Variants in ZDHHC17 observed in about 807,000 individuals in gnomAD.
The protein encoded by ZDHHC17 is palmitoyltransferase ZDHHC17.
In ZDHHC17, 40 loss-of-function variants were observed where a neutral mutation model predicts 90.3. That is an observed-to-expected ratio of 0.44 (90% CI 0.34 to 0.58). ZDHHC17 has a LOEUF of 0.58. ZDHHC17 is among the 20% of genes least tolerant of loss of function. ZDHHC17 has a pLI of 0.01. For missense variants in ZDHHC17, 614 were observed against 780.8 expected (o/e 0.79, Z 2.55); for synonymous variants, 235 against 252.4 (o/e 0.93, Z 0.65).
At chr12:76,821,969 T>C (rs1953167583) in intron 7 of ZDHHC17, among the ~76,000 whole-genome samples, 1 of 152,220 alleles carries the variant, frequency 6.6e-6, no homozygotes, top group Non-Finnish European at 1.5e-5. Flanking sequence ...TTTTCTTTCC[T>C]ATTCTCTTCT....
intron 1 of ZDHHC17, among the ~76,000 whole-genome samples, chr12:76,768,637 C>T (rs542598139): frequency 4.9e-4 from 74 of 152,236 alleles, no homozygotes; most frequent in African/African-American, 1.5e-3. Context: ...GAAAGGCTTC[C>T]GTAGAGGGAC....
At chr12:76,790,330 C>T (rs1438212612) in intron 1 of ZDHHC17, among the ~76,000 whole-genome samples, 1 of 151,884 alleles carries the variant, frequency 6.6e-6, no homozygotes, top group African/African-American at 2.4e-5. Context: ...GGTGAAACCC[C>T]GTCTCTACTA....
intron 7 of ZDHHC17, 89 bp downstream of exon 7, chr12:76,816,108 G>A: frequency 1.1e-5 from 12 of 1,133,434 alleles, no homozygotes; most frequent in Non-Finnish European, 1.4e-5. Flanking sequence ...GACTGTCAGA[G>A]TTGAAAGAAA....
chr12:76,770,061 G>A (rs1372102121), intron 1 of ZDHHC17, among the ~76,000 whole-genome samples: 1 of 152,102 alleles, frequency 6.6e-6, no homozygotes, highest in African/African-American at 2.4e-5. Context: ...TCCTGGGCAC[G>A]TTATTGAACT....
At position 76,842,021 on chromosome 12, in the gene ZDHHC17, A is replaced by G. The variant is rs368123172; in HGVS notation, c.1181A>G (p.Asn394Ser). ...TTTATCCATCTTCCATTCCTTGCCA[A>G]TAGTGTTGCACTTTTCTACAATTTT... ...FLFIHLPFLANSVALFYNFGK... is the reference protein window; with the variant it reads ...FLFIHLPFLASSVALFYNFGK... Residue 394 changes from asparagine to serine, a missense_variant, in exon 11 of 17, where the codon AAT (asparagine) becomes AGT (serine). By Grantham distance (46) the Asn-to-Ser change is conservative. This residue lies in a region of ZDHHC17 where 117 missense variants were observed against 183.6 expected (regional missense o/e 0.64). Coordinates refer to ENST00000426126, the MANE Select transcript of ZDHHC17 (RefSeq NM_015336.4). 3.0e-4 allele frequency: 486 copies of G among 1,595,794 alleles called. No homozygotes were observed. The highest frequency in any genetic ancestry group is 4.0e-4 in the Non-Finnish European group (472 of 1,171,548).
chr12:76,818,822 A>G (rs1360790814), intron 7 of ZDHHC17, among the ~76,000 whole-genome samples: 15 of 152,248 alleles, frequency 9.9e-5, no homozygotes, highest in Admixed American at 9.8e-4. Flanking sequence ...GTCATGGGAA[A>G]CATTTGAAAG....
At chr12:76,799,469 C>G (rs930586786) in intron 2 of ZDHHC17, among the ~76,000 whole-genome samples, 1 of 152,176 alleles carries the variant, frequency 6.6e-6, no homozygotes, top group Non-Finnish European at 1.5e-5. Context: ...TTTATTACAA[C>G]TTGCTGAGGA....
chr12:76,800,786 C>T (rs564375623), intron 2 of ZDHHC17, among the ~76,000 whole-genome samples: 1 of 152,096 alleles, frequency 6.6e-6, no homozygotes, highest in East Asian at 1.9e-4. Context: ...CTTTTTTACC[C>T]CAGTCTGTTC....
intron 1 of ZDHHC17, among the ~76,000 whole-genome samples, chr12:76,784,927 T>G (rs1952668229): frequency 6.6e-6 from 1 of 152,236 alleles, no homozygotes; most frequent in Non-Finnish European, 1.5e-5. Flanking sequence ...TCGTTGACTT[T>G]CTGGAATGCC....
At chr12:76,772,154 G>C (rs1182258850) in intron 1 of ZDHHC17, among the ~76,000 whole-genome samples, 1 of 152,212 alleles carries the variant, frequency 6.6e-6, no homozygotes, top group African/African-American at 2.4e-5. Context: ...GAGGTATAGA[G>C]AGGTTAAGTA....
intron 7 of ZDHHC17, among the ~76,000 whole-genome samples, chr12:76,819,959 C>G (rs943151685): frequency 6.8e-6 from 1 of 147,556 alleles, no homozygotes; most frequent in African/African-American, 2.5e-5. Flanking sequence ...TGCCATTGCA[C>G]TCAAGCCTGG....
chr12:76,820,266 T>C (rs979306208), intron 7 of ZDHHC17, among the ~76,000 whole-genome samples: 2 of 152,104 alleles, frequency 1.3e-5, no homozygotes, highest in Non-Finnish European at 2.9e-5. Context: ...CCCTAGATAA[T>C]AGCTACATGA....
intron 1 of ZDHHC17, among the ~76,000 whole-genome samples, chr12:76,773,991 G>A (rs979479986): frequency 2.6e-5 from 4 of 152,140 alleles, no homozygotes; most frequent in African/African-American, 7.2e-5. Context: ...GCTTGTGCCT[G>A]TAAATCCCAG....
At chr12:76,767,909 TAA>T (rs577647746) in intron 1 of ZDHHC17, among the ~76,000 whole-genome samples, 4 of 143,868 alleles carry the variant, frequency 2.8e-5, no homozygotes, top group East Asian at 2.0e-4. Context: ...AAAACTCTCT[TAA>T]AAAAAAAAAA....
chr12:76,775,008 T>C (rs1952542801), intron 1 of ZDHHC17, among the ~76,000 whole-genome samples: 1 of 152,186 alleles, frequency 6.6e-6, no homozygotes, highest in African/African-American at 2.4e-5. Context: ...TTTATATTTT[T>C]AGTAGAGGTG....
intron 7 of ZDHHC17, among the ~76,000 whole-genome samples, chr12:76,819,357 A>G (rs942921863): frequency 2.6e-5 from 4 of 152,238 alleles, no homozygotes; most frequent in African/African-American, 7.2e-5. Context: ...ATCTAACCAA[A>G]TTTATTTATA....
intron 7 of ZDHHC17, chr12:76,821,239 C>A: frequency 1.2e-6 from 1 of 816,212 alleles, no homozygotes; most frequent in Non-Finnish European, 1.6e-6. Context: ...ATAGGTAAGG[C>A]AATATTTTAA....
At chr12:76,826,232 C>T (rs1041478276) in intron 8 of ZDHHC17, among the ~76,000 whole-genome samples, 1 of 152,068 alleles carries the variant, frequency 6.6e-6, no homozygotes, top group Non-Finnish European at 1.5e-5. Context: ...TCTTTGGTTG[C>T]TATAAAGATA....
In ZDHHC17 at chr12:76,809,039, A is replaced by C; in HGVS notation, c.321-4A>C. 1 of 1,504,102 alleles carries C rather than the reference A, an allele frequency of 6.6e-7. No individual in the cohort carries two copies. Among genetic ancestry groups the C allele is most frequent in the Non-Finnish European group, 8.9e-7 (1 of 1,125,860 alleles). The allele number at this position is 1,504,102 out of a possible 1,614,324, so 93.2% of individuals were successfully genotyped here. On this transcript the variant is annotated splice_polypyrimidine_tract_variant and splice_region_variant and intron_variant, in intron 3 of 16. Transcript: ENST00000426126. The stretch of plus-strand genomic sequence containing the variant: ...TTTAAATTATTATAAATTTTGTCTT[A>C]TAGATACTATATTTCGAAAGGTGCT...
Sources: gnomAD v4.1 joint callset for allele counts (sites outside exome capture counted in the v4.1 genomes callset) on GRCh38, gnomAD v4.1.1 for gene constraint, gnomAD v4.1.1 regional missense constraint, MANE v1.5 for transcripts, NCBI Gene and HGNC (gene_info 2026-07-23, HGNC 2026-07-21) for gene names.